Variants in HAPLN1 observed in about 807,000 individuals in gnomAD.
HAPLN1 encodes Cartilage link protein.
In HAPLN1, 13 loss-of-function variants were observed where a neutral mutation model predicts 36.5. That is an observed-to-expected ratio of 0.36 (90% CI 0.23 to 0.57). The LOEUF (loss-of-function observed/expected upper bound fraction) is 0.57, where lower values mean the gene tolerates loss of function less well. HAPLN1 is among the 20% of genes least tolerant of loss of function. The pLI, the probability that HAPLN1 is intolerant of heterozygous loss-of-function variation, is 0.83. For synonymous variants in HAPLN1, 202 were observed against 169.8 expected (o/e 1.19, Z -1.48); for missense variants, 407 against 439.7 (o/e 0.93, Z 0.66).
chr5:83,690,351 T>C (rs1384253757), intron 1 of HAPLN1, among the ~76,000 whole-genome samples: 1 of 152,110 alleles, frequency 6.6e-6, no homozygotes, highest in Admixed American at 6.6e-5. Context: ...GTTACAGATG[T>C]AGAAACAGGT....
chr5:83,666,038 G>A (rs1426323679), intron 2 of HAPLN1, among the ~76,000 whole-genome samples: 2 of 151,988 alleles, frequency 1.3e-5, no homozygotes, highest in Non-Finnish European at 2.9e-5. Flanking sequence ...TGTTTTTAAT[G>A]TTTTCATTTT....
chr5:83,717,422 A>G (rs1366415334), intron 1 of HAPLN1, among the ~76,000 whole-genome samples: 3 of 152,154 alleles, frequency 2.0e-5, no homozygotes, highest in Non-Finnish European at 4.4e-5. Context: ...CCACAACAGC[A>G]CGCCTAACTC....
intron 1 of HAPLN1, among the ~76,000 whole-genome samples, chr5:83,678,854 A>C (rs912440075): frequency 6.6e-6 from 1 of 152,208 alleles, no homozygotes; most frequent in Non-Finnish European, 1.5e-5. Context: ...ATAAAATGTC[A>C]CCACAAAATG....
At chr5:83,661,033 G>T (rs1199029336) in intron 2 of HAPLN1, among the ~76,000 whole-genome samples, 1 of 152,154 alleles carries the variant, frequency 6.6e-6, no homozygotes, top group Admixed American at 6.5e-5. Context: ...CCAGAAGGCA[G>T]TTCCTAGAAA....
rs1341382760 is a variant in HAPLN1 at position 83,639,774 on chromosome 5, C to T, written c.*1722G>A. 1 of 152,020 alleles carries T rather than the reference C, an allele frequency of 6.6e-6. No homozygotes were observed. The highest frequency in any genetic ancestry group is 1.5e-5 in the Non-Finnish European group (1 of 67,920). 9.4% of individuals were successfully genotyped at this position (152,020 alleles called of 1,614,324 possible). On this transcript the variant is annotated 3_prime_UTR_variant, in exon 5 of 5. Coordinates refer to ENST00000274341, the MANE Select transcript of HAPLN1 (RefSeq NM_001884.4). ...CTAACTTAAAAATGTGCATACATAA[C>T]ATTGTCATCTTTTAATATTAAAGCA...
At chr5:83,696,467 A>G (rs1025396495) in intron 1 of HAPLN1, among the ~76,000 whole-genome samples, 1 of 152,170 alleles carries the variant, frequency 6.6e-6, no homozygotes, top group Admixed American at 6.5e-5. Flanking sequence ...AGGAATTTAC[A>G]AAAGAAAGAA....
intron 2 of HAPLN1, among the ~76,000 whole-genome samples, chr5:83,661,592 C>T (rs1750393465): frequency 6.6e-6 from 1 of 151,826 alleles, no homozygotes; most frequent in African/African-American, 2.4e-5. Flanking sequence ...CTACAGGCGT[C>T]TGCCACCCCG....
chr5:83,652,652 T>C lies in HAPLN1; in HGVS notation c.273A>G (p.Glu91=). ...ATCCCATGGAAACAAAAACATCCAC[T>C]TCCTTGAGGTAATCCGAAGTTAGCT... ...WTKLTSDYLK[E]VDVFVSMGYH... is the part of the protein sequence containing the mutation. The change falls in exon 3 of 5, where the codon GAA becomes GAG. Residue 91 remains glutamate (E), a synonymous_variant. Coordinates refer to ENST00000274341, the MANE Select transcript of HAPLN1 (RefSeq NM_001884.4). The C allele has an allele frequency of 6.2e-7, 1 of 1,614,150 alleles. No homozygotes were observed. Among genetic ancestry groups the C allele is most frequent in the Non-Finnish European group, 8.5e-7 (1 of 1,180,016 alleles).
chr5:83,649,585 A>G (rs1366442272), intron 3 of HAPLN1, among the ~76,000 whole-genome samples: 1 of 152,058 alleles, frequency 6.6e-6, no homozygotes, highest in Non-Finnish European at 1.5e-5. Context: ...AGTAGCTGGG[A>G]TTACAGGCAC....
At position 83,641,556 on chromosome 5, in the gene HAPLN1, C is replaced by A; in HGVS notation, c.1005G>T (p.Val335=). 6.2e-7 allele frequency: 1 copy of A among 1,614,088 alleles called. No individual in the cohort carries two copies. The highest frequency in any genetic ancestry group is 1.1e-5 in the South Asian group (1 of 91,082). ...CSPTEAAVRF[V]GFPDKKHKLY... is the part of the protein sequence containing the mutation. Reference sequence around the variant, plus strand: ...GCTTATGCTTTTTATCTGGGAAACCCACGAAGCGCACTGCAGCCTCAGTAG... The same window carrying A: ...GCTTATGCTTTTTATCTGGGAAACCAACGAAGCGCACTGCAGCCTCAGTAG... The change falls in exon 5 of 5, where the codon GTG becomes GTT. Residue 335 remains valine (V), a synonymous_variant. Transcript: ENST00000274341.
At position 83,640,492 on chromosome 5, in the gene HAPLN1, CT is replaced by C. The variant is rs1416817670; in HGVS notation, c.*1003del. The C allele has an allele frequency of 2.0e-5, 3 of 152,154 alleles. No homozygotes were observed. Among genetic ancestry groups the C allele is most frequent in the Admixed American group, 1.3e-4 (2 of 15,272 alleles). 9.4% of individuals were successfully genotyped at this position (152,154 alleles called of 1,614,324 possible). A position where few individuals can be genotyped will look rare whatever the true frequency, so the allele number is the denominator to read the frequency against. The stretch of plus-strand genomic sequence containing the variant: ...ATAATAAGAATTTTGAAAGTTGCAT[CT>C]TTGTTTCTGCATTAGGGATTCCTTT... On this transcript the variant is annotated 3_prime_UTR_variant, in exon 5 of 5. Transcript: ENST00000274341.
chr5:83,685,877 T>G (rs571885982), intron 1 of HAPLN1: 3 of 152,148 alleles, frequency 2.0e-5, no homozygotes, highest in Non-Finnish European at 4.4e-5. Context: ...CTTCCAAATA[T>G]GTGCTGCTTA....
intron 1 of HAPLN1, among the ~76,000 whole-genome samples, chr5:83,719,371 T>G (rs567970993): frequency 3.1e-4 from 47 of 152,366 alleles, no homozygotes; most frequent in African/African-American, 9.9e-4. Flanking sequence ...TAATTAGCCT[T>G]AAGTAAAATT....
In HAPLN1 at chr5:83,644,461, C is replaced by A; in HGVS notation, c.677G>T (p.Cys226Phe). 2 of 1,613,348 alleles carry A rather than the reference C, an allele frequency of 1.2e-6. No individual in the cohort carries two copies. The highest frequency in any genetic ancestry group is 1.3e-5 in the African/African-American group (1 of 75,004). ...TCCGGGCACTGTGTTCTGCCCCCCA[C>A]AGGGCTCTCTGGGCTTTGTGATGGG... The part of the protein sequence containing the change: ...QYPITKPREP[C>F]GGQNTVPGVR... Residue 226 changes from cysteine to phenylalanine, a missense_variant, in exon 4 of 5, where the codon TGT (cysteine) becomes TTT (phenylalanine). Cys to Phe is a radical substitution (Grantham distance 205, BLOSUM62 -2). Coordinates refer to ENST00000274341, the MANE Select transcript of HAPLN1 (RefSeq NM_001884.4).
chr5:83,686,186 A>G (rs1751121011), intron 1 of HAPLN1, among the ~76,000 whole-genome samples: 1 of 150,640 alleles, frequency 6.6e-6, no homozygotes, highest in Non-Finnish European at 1.5e-5. Context: ...ACTTGAGGTC[A>G]AATTACCGAT....
intron 2 of HAPLN1, among the ~76,000 whole-genome samples, chr5:83,664,195 T>C (rs1750492274): frequency 2.0e-5 from 3 of 151,760 alleles, no homozygotes; most frequent in African/African-American, 7.3e-5. Context: ...AGAATTTGCA[T>C]TTTCTACTTT....
chr5:83,686,335 G>A (rs1347959756), intron 1 of HAPLN1, among the ~76,000 whole-genome samples: 1 of 152,108 alleles, frequency 6.6e-6, no homozygotes, highest in African/African-American at 2.4e-5. Context: ...TGCTAGAGGT[G>A]AAAAGGTAGA....
chr5:83,673,527 T>C lies in HAPLN1; in HGVS notation c.-4A>G. 3 of 1,605,286 alleles carry C rather than the reference T, an allele frequency of 1.9e-6. No homozygotes were observed. The highest frequency in any genetic ancestry group is 2.6e-6 in the Non-Finnish European group (3 of 1,172,330). On this transcript the variant is annotated 5_prime_UTR_variant, in exon 2 of 5. In the 5' UTR this introduces an upstream ATG that the reference lacks. Transcript: ENST00000274341. ...CCAGAAGAAGTAGACTCTTCATCTT[T>C]ATAGCCCAAAGAATCTTCTTCACTG...
intron 2 of HAPLN1, among the ~76,000 whole-genome samples, chr5:83,658,620 C>T (rs1348333121): frequency 1.3e-5 from 2 of 152,098 alleles, no homozygotes; most frequent in Non-Finnish European, 2.9e-5. Flanking sequence ...CACTTATTAA[C>T]CTTTAACTTT....
Sources: allele counts gnomAD v4.1 joint callset (sites outside exome capture counted in the v4.1 genomes callset), GRCh38; gene constraint gnomAD v4.1.1; transcripts MANE v1.5; gene names NCBI Gene and HGNC (gene_info 2026-07-23, HGNC 2026-07-21).